FGD5: variants seen among roughly 807,000 people sequenced by gnomAD.
FGD5 encodes the protein FYVE, RhoGEF and PH domain-containing protein 5.
A neutral mutation model predicts 133.4 loss-of-function variants in FGD5; 28 were observed. That is an observed-to-expected ratio of 0.21 (90% CI 0.16 to 0.29). FGD5 has a LOEUF of 0.29. Ranked by LOEUF, FGD5 falls within the 10% of genes least tolerant of loss-of-function variation. The probability of loss-of-function intolerance (pLI) is 1.00; values close to 1 mark genes in which losing one functional copy is unlikely to be tolerated. For synonymous variants in FGD5, 810 were observed against 776.5 expected (o/e 1.04, Z -0.72); for missense variants, 1,858 against 1,895.2 (o/e 0.98, Z 0.36).
chr3:14,870,278 T>A (rs2037580963), intron 2 of FGD5, among the ~76,000 whole-genome samples: 2 of 152,018 alleles, frequency 1.3e-5, no homozygotes, highest in South Asian at 4.1e-4. Context: ...TGGAGCAAGG[T>A]GAGGTTGGGG....
intron 1 of FGD5, among the ~76,000 whole-genome samples, chr3:14,853,750 T>A (rs1230693675): frequency 7.0e-6 from 1 of 143,664 alleles, no homozygotes. Flanking sequence ...ATGGTCAGAG[T>A]TGGACAGCAC....
At position 14,922,605 on chromosome 3, in the gene FGD5, T is replaced by C; in HGVS notation, c.3807+57T>C. Reference sequence around the variant, plus strand: ...ATGGGGGTGGGGTGGGGGAAGGGCATGTCCCTGCCCAGCCGGGGGCTCAGG... The same window carrying C: ...ATGGGGGTGGGGTGGGGGAAGGGCACGTCCCTGCCCAGCCGGGGGCTCAGG... On this transcript the variant is annotated intron_variant, in intron 15 of 19. Coordinates refer to ENST00000285046, the MANE Select transcript of FGD5 (RefSeq NM_152536.4). The surrounding 1 kb of genome is among the most constrained non-coding windows in gnomAD (Gnocchi z 4.1). 5.2e-6 allele frequency: 8 copies of C among 1,531,404 alleles called. No individual in the cohort carries two copies. Among genetic ancestry groups the C allele is most frequent in the Non-Finnish European group, 6.1e-6 (7 of 1,140,344 alleles). The allele number at this position is 1,531,404 out of a possible 1,614,324, so 94.9% of individuals were successfully genotyped here.
rs2038935245 is a variant in FGD5 at position 14,933,595 on chromosome 3, A to T, written c.*428A>T. ...ATTGTGGTGCCTCAGGTGAAATGAG[A>T]AGCTATCAGTAACAGCTACTCTCAT... On this transcript the variant is annotated 3_prime_UTR_variant, in exon 20 of 20. Transcript: ENST00000285046. 2 of 185,528 alleles carry T rather than the reference A, an allele frequency of 1.1e-5. No individual in the cohort carries two copies. The highest frequency in any genetic ancestry group is 5.4e-5 in the Admixed American group (1 of 18,402). 11.5% of individuals were successfully genotyped at this position (185,528 alleles called of 1,614,324 possible). A position where few individuals can be genotyped will look rare whatever the true frequency, so the allele number is the denominator to read the frequency against.
At chr3:14,923,539 G>A (rs962386200) in intron 16 of FGD5, among the ~76,000 whole-genome samples, 1 of 152,116 alleles carries the variant, frequency 6.6e-6, no homozygotes, top group East Asian at 1.9e-4. Flanking sequence ...AAGCGTGGCA[G>A]CAGAGGAGCT....
At chr3:14,847,614 T>C (rs36067396) in intron 1 of FGD5, among the ~76,000 whole-genome samples, 28 of 152,178 alleles carry the variant, frequency 1.8e-4, no homozygotes, top group Admixed American at 7.9e-4. Context: ...CCTAATGAGG[T>C]CTGTACTGTT....
chr3:14,821,481 T>TTTG lies in FGD5; in HGVS notation c.2411_2413dup (p.Phe804_Glu805insVal), dbSNP rs1430409313. On this transcript the variant is annotated inframe_insertion, in exon 1 of 20. Coordinates refer to ENST00000285046, the MANE Select transcript of FGD5 (RefSeq NM_152536.4). The stretch of plus-strand genomic sequence containing the variant: ...CAGGGCTGGCGCGTTCACGAAGCTG[T>TTTG]TTGAAGATCAGAGCAGAGCCCTGTC... The TTTG allele has an allele frequency of 6.2e-7, 1 of 1,613,984 alleles. No homozygotes were observed. Among genetic ancestry groups the TTTG allele is most frequent in the Non-Finnish European group, 8.5e-7 (1 of 1,179,892 alleles).
intron 1 of FGD5, among the ~76,000 whole-genome samples, chr3:14,861,178 G>C (rs2037391169): frequency 2.0e-5 from 3 of 152,136 alleles, no homozygotes; most frequent in African/African-American, 4.8e-5. Flanking sequence ...GCTCGGGTTT[G>C]GGAAGCACAA....
At chr3:14,848,672 A>G in intron 1 of FGD5, among the ~76,000 whole-genome samples, 1 of 152,212 alleles carries the variant, frequency 6.6e-6, no homozygotes, top group Non-Finnish European at 1.5e-5. Flanking sequence ...ATTTATGCAA[A>G]TAAAAAAGAT....
At chr3:14,880,945 C>T (rs867682080) in intron 4 of FGD5, among the ~76,000 whole-genome samples, 173 bp downstream of exon 4, 36 of 152,258 alleles carry the variant, frequency 2.4e-4, no homozygotes, top group African/African-American at 8.2e-4. Context: ...AATGTGCTTC[C>T]GGGGGCAGAC....
rs549639272 is a variant in FGD5 at position 14,917,024 on chromosome 3, C to T, written c.3406-225C>T. Among the ~76,000 whole-genome samples the T allele has an allele frequency of 3.9e-5, 6 of 152,336 alleles. No individual in the cohort carries two copies. In the East Asian group the frequency reaches 1.2e-3, roughly 29 times the overall value. On this transcript the variant is annotated intron_variant, in intron 11 of 19. Transcript: ENST00000285046. The surrounding 1 kb of genome is among the most constrained non-coding windows in gnomAD (Gnocchi z 4.1). ...TAAAGCCACTATGAACATACTCACA[C>T]GACTTCTTGAGGGCATATGCATTTA...
chr3:14,819,258 G>A lies in FGD5; in HGVS notation c.187G>A (p.Glu63Lys), dbSNP rs1266952435. 7.8e-6 allele frequency: 12 copies of A among 1,538,034 alleles called. No homozygotes were observed. The highest frequency in any genetic ancestry group is 2.7e-5 in the African/African-American group (2 of 72,766). ...IPKCSESETD[E>K]DYIVVPRVPL... ...AAAGTGCTCTGAGTCGGAGACCGAC[G>A]AGGATTACATCGTGGTCCCCAGGGT... is the stretch of plus-strand genomic sequence containing the variant. Residue 63 changes from glutamate (E) to lysine (K), a missense_variant, in exon 1 of 20, where the codon GAG becomes AAG. Around this residue, in one of 3 missense-constraint regions of FGD5, gnomAD observed 1,824 missense variants for 1,848.9 expected, o/e 0.99. Transcript: ENST00000285046. The surrounding 1 kb of genome is among the most constrained non-coding windows in gnomAD (Gnocchi z 4.1).
rs760867721 is a variant in FGD5, at chr3:14,921,921, C to T, written c.3573C>T (p.Ser1191=). 1.9e-6 allele frequency: 3 copies of T among 1,565,618 alleles called. No homozygotes were observed. The highest frequency in any genetic ancestry group is 2.6e-6 in the Non-Finnish European group (3 of 1,155,026). ...TCACTCCAGCCCATGCCCGCAGCTC[C>T]TGTGCAGAGAGGGACGAGTGGTATG... The part of the protein sequence containing the change: ...SESCLMLSAS[S]CAERDEWYGC... Residue 1191 remains serine (S), a synonymous_variant, in exon 14 of 20, where the codon TCC becomes TCT. Transcript: ENST00000285046.
intron 2 of FGD5, among the ~76,000 whole-genome samples, chr3:14,878,661 GCTA>G (rs1379441544): frequency 6.6e-6 from 1 of 151,614 alleles, no homozygotes; most frequent in Non-Finnish European, 1.5e-5. Context: ...GGCACAGAGA[GCTA>G]AATGACTTGT....
In FGD5 at chr3:14,923,977, C is replaced by T. The variant is rs749000074; in HGVS notation, c.3938-31C>T. The T allele has an allele frequency of 1.1e-5, 18 of 1,613,364 alleles. No homozygotes were observed. In the African/African-American group the frequency reaches 1.3e-4, roughly 12 times the overall value. ...GACAAGCCGCAGGCACGCCTCTCAC[C>T]TCCCTTCCATGTGGCTTCTTTCAGT... On this transcript the variant is annotated intron_variant, in intron 16 of 19. Coordinates refer to ENST00000285046, the MANE Select transcript of FGD5 (RefSeq NM_152536.4).
chr3:14,865,551 CCT>C (rs2037478001), intron 2 of FGD5, among the ~76,000 whole-genome samples: 1 of 152,124 alleles, frequency 6.6e-6, no homozygotes, highest in Non-Finnish European at 1.5e-5. Context: ...ACCCCCTTCC[CCT>C]CTCACTCATC....
At chr3:14,896,276 GA>G (rs1243576974) in intron 4 of FGD5, among the ~76,000 whole-genome samples, 5 of 151,882 alleles carry the variant, frequency 3.3e-5, no homozygotes, top group African/African-American at 7.3e-5. Flanking sequence ...CACAAAAATA[GA>G]AAAAAAGTCC....
In FGD5 at chr3:14,819,484, G is replaced by A; in HGVS notation, c.413G>A (p.Gly138Asp). Reference sequence around the variant, plus strand: ...GCGCTGAGCAGGGAGGGTGAGGAAGGCACAGACCTTGCTCTTGAGGATGAA... The same window carrying A: ...GCGCTGAGCAGGGAGGGTGAGGAAGACACAGACCTTGCTCTTGAGGATGAA... ...AGALSREGEE[G>D]TDLALEDEGE... The change falls in exon 1 of 20, where the codon GGC (glycine) becomes GAC (aspartate). Residue 138 changes from glycine to aspartate, a missense_variant. Physicochemically the swap from Gly to Asp is moderately conservative, Grantham distance 94. Coordinates refer to ENST00000285046, the MANE Select transcript of FGD5 (RefSeq NM_152536.4). The surrounding 1 kb of genome is among the most constrained non-coding windows in gnomAD (Gnocchi z 4.1). 6.4e-7 allele frequency: 1 copy of A among 1,551,382 alleles called. No homozygotes were observed. Among genetic ancestry groups the A allele is most frequent in the Non-Finnish European group, 8.7e-7 (1 of 1,146,968 alleles).
intron 1 of FGD5, among the ~76,000 whole-genome samples, chr3:14,844,858 G>A (rs2037016063): frequency 6.6e-6 from 1 of 152,128 alleles, no homozygotes. Context: ...AATCTTTTTT[G>A]TTCCTGGAAA....
intron 1 of FGD5, among the ~76,000 whole-genome samples, chr3:14,837,109 CAG>C (rs1201743009): frequency 1.3e-5 from 2 of 152,170 alleles, no homozygotes; most frequent in Admixed American, 6.5e-5. Context: ...GTGTGAAGTG[CAG>C]AGAGTCAAAA....
Sources: gnomAD v4.1 joint callset for allele counts (sites outside exome capture counted in the v4.1 genomes callset) on GRCh38, gnomAD v4.1.1 for gene constraint, gnomAD v4.1.1 regional missense constraint, Gnocchi (gnomAD v3.1) non-coding constraint, MANE v1.5 for transcripts, NCBI Gene and HGNC (gene_info 2026-07-23, HGNC 2026-07-21) for gene names.